Variants in ZFAND3 observed in about 807,000 individuals in gnomAD.
ZFAND3 encodes the protein zinc finger AN1-type containing 3, also known as AN1-type zinc finger protein 3.
In ZFAND3, 10 loss-of-function variants were observed where a neutral mutation model predicts 29.6. The observed-to-expected ratio is 0.34, with a 90% CI of 0.21 to 0.57. ZFAND3 has a LOEUF of 0.57. Ranked by LOEUF, ZFAND3 falls within the 20% of genes least tolerant of loss-of-function variation. The pLI is 0.86. For synonymous variants in ZFAND3, 128 were observed against 112.6 expected (o/e 1.14, Z -0.87); for missense variants, 230 against 304.5 (o/e 0.76, Z 1.82).
chr6:38,082,604 T>C (rs1764685602), intron 4 of ZFAND3, 147 bp downstream of exon 4: 1 of 675,994 alleles, frequency 1.5e-6, no homozygotes. Flanking sequence ...CACGGCGGAG[T>C]GTCAGCAGAG....
intron 3 of ZFAND3, among the ~76,000 whole-genome samples, chr6:38,077,545 G>A (rs757266703): frequency 2.0e-5 from 3 of 152,182 alleles, no homozygotes; most frequent in Non-Finnish European, 4.4e-5. Flanking sequence ...TAGAATATTT[G>A]ATTATTGTGC....
chr6:38,122,752 T>G (rs149779249), intron 5 of ZFAND3, among the ~76,000 whole-genome samples: 191 of 152,304 alleles, frequency 1.3e-3, no homozygotes, highest in South Asian at 4.1e-3. Context: ...CAGCCTACCA[T>G]AAGCATTTAT....
chr6:37,971,486 GTTC>G (rs143837972), intron 2 of ZFAND3, among the ~76,000 whole-genome samples: 3 of 152,248 alleles, frequency 2.0e-5, no homozygotes, highest in Non-Finnish European at 4.4e-5. Context: ...AGGTTGCCAA[GTTC>G]TTCTACAATG....
At chr6:38,045,962 A>G (rs4714123) in intron 2 of ZFAND3, among the ~76,000 whole-genome samples, 9 of 152,082 alleles carry the variant, frequency 5.9e-5, no homozygotes, top group African/African-American at 1.9e-4. Flanking sequence ...CGAGAAGAGT[A>G]GCGAACAGTG....
chr6:37,857,730 T>G (rs1764410567), intron 1 of ZFAND3, among the ~76,000 whole-genome samples: 1 of 152,170 alleles, frequency 6.6e-6, no homozygotes, highest in South Asian at 2.1e-4. Flanking sequence ...CCTAATATGG[T>G]CTAATCTCAA....
At chr6:37,897,878 A>G (rs1765247911) in intron 1 of ZFAND3, among the ~76,000 whole-genome samples, 1 of 152,218 alleles carries the variant, frequency 6.6e-6, no homozygotes, top group South Asian at 2.1e-4. Flanking sequence ...CACAAAATAA[A>G]TAAATTGGGA....
chr6:38,127,329 T>C (rs567299531), intron 5 of ZFAND3, among the ~76,000 whole-genome samples: 1 of 152,358 alleles, frequency 6.6e-6, no homozygotes, highest in Admixed American at 6.5e-5. Flanking sequence ...CATGGTAGGC[T>C]ACCACGTAGC....
chr6:37,950,505 G>T lies in ZFAND3; in HGVS notation c.112+20506G>T, dbSNP rs536225891. Among the ~76,000 whole-genome samples, 6 of 151,820 alleles carry T rather than the reference G, an allele frequency of 4.0e-5. 1 individual carries two copies. The highest frequency in any genetic ancestry group is 1.9e-4 in the East Asian group (1 of 5,146). On this transcript the variant is annotated intron_variant, in intron 2 of 5. Coordinates refer to ENST00000287218, the MANE Select transcript of ZFAND3 (RefSeq NM_021943.3). Reference sequence around the variant, plus strand: ...AGATTCTCCTGCCTCAGCCTCCCACGTAGCTGGGATTACAGGCGCCTGCCA... The same window carrying T: ...AGATTCTCCTGCCTCAGCCTCCCACTTAGCTGGGATTACAGGCGCCTGCCA...
At chr6:38,110,373 G>C (rs1480556582) in intron 4 of ZFAND3, among the ~76,000 whole-genome samples, 1 of 152,102 alleles carries the variant, frequency 6.6e-6, no homozygotes, top group Non-Finnish European at 1.5e-5. Context: ...AATGTCAGGA[G>C]AAGATGAATC....
At position 37,862,511 on chromosome 6, in the gene ZFAND3, A is replaced by G. The variant is rs185939551; in HGVS notation, c.71+42495A>G. ...GACCTGGGTGACATAGTGAGACCCTATCTTTCCAAAAAAAAAAAAAAGAAA... is the reference window on the plus strand; with the variant it reads ...GACCTGGGTGACATAGTGAGACCCTGTCTTTCCAAAAAAAAAAAAAAGAAA... On this transcript the variant is annotated intron_variant, in intron 1 of 5. Transcript: ENST00000287218. Among the ~76,000 whole-genome samples, 527 of 150,086 alleles carry G rather than the reference A, an allele frequency of 3.5e-3. 2 individuals carry two copies. Among genetic ancestry groups the G allele is most frequent in the Non-Finnish European group, 5.7e-3 (383 of 67,432 alleles).
chr6:38,137,939 G>C (rs1276846594), intron 5 of ZFAND3, among the ~76,000 whole-genome samples: 1 of 152,190 alleles, frequency 6.6e-6, no homozygotes, highest in East Asian at 1.9e-4. Flanking sequence ...TCTTTGCAAA[G>C]AATCTGATTA....
At chr6:37,822,522 A>G (rs1235755676) in intron 1 of ZFAND3, among the ~76,000 whole-genome samples, 5 of 152,190 alleles carry the variant, frequency 3.3e-5, no homozygotes, top group African/African-American at 4.8e-5. Flanking sequence ...TAAACTTAGA[A>G]TATATTTAAC....
intron 1 of ZFAND3, among the ~76,000 whole-genome samples, chr6:37,886,237 CAAAAAAAAAAAAAAAAAAAAAAAAAAAAA>C (rs55661554): frequency 4.2e-5 from 4 of 95,278 alleles, no homozygotes; most frequent in African/African-American, 1.4e-4. Flanking sequence ...GACTCTGTCT[CAAAAAAAAAAAAAAAAAAAAAAAAAAAAA>C]AAAAAAAAAA....
intron 4 of ZFAND3, among the ~76,000 whole-genome samples, chr6:38,110,508 A>G (rs1186723550): frequency 2.0e-5 from 3 of 152,112 alleles, no homozygotes; most frequent in African/African-American, 7.2e-5. Flanking sequence ...TTCGTGGACA[A>G]AGGTTTTACC....
intron 4 of ZFAND3, among the ~76,000 whole-genome samples, chr6:38,114,640 G>A (rs1380002428): frequency 6.6e-6 from 1 of 152,162 alleles, no homozygotes; most frequent in African/African-American, 2.4e-5. Context: ...GGGACTATGA[G>A]CAAACTACCA....
intron 2 of ZFAND3, among the ~76,000 whole-genome samples, chr6:38,055,081 A>G (rs775555271): frequency 6.6e-6 from 1 of 152,220 alleles, no homozygotes; most frequent in Non-Finnish European, 1.5e-5. Flanking sequence ...CTGTTCTGTT[A>G]AAGGAGACCT....
At chr6:37,883,861 C>G (rs1764941226) in intron 1 of ZFAND3, among the ~76,000 whole-genome samples, 1 of 145,254 alleles carries the variant, frequency 6.9e-6, no homozygotes, top group African/African-American at 2.8e-5. Flanking sequence ...TTTTCATTAT[C>G]TATTTCCCTT....
chr6:37,960,653 T>C (rs1322241020), intron 2 of ZFAND3, among the ~76,000 whole-genome samples: 1 of 152,218 alleles, frequency 6.6e-6, no homozygotes, highest in Non-Finnish European at 1.5e-5. Context: ...TAGAAAATGT[T>C]GCTGTATTTA....
chr6:37,966,412 A>G (rs1044843053), intron 2 of ZFAND3, among the ~76,000 whole-genome samples: 26 of 152,194 alleles, frequency 1.7e-4, no homozygotes, highest in African/African-American at 6.0e-4. Context: ...GGTGCCTTAT[A>G]TCTCTCACTT....
Sources: allele counts gnomAD v4.1 joint callset (sites outside exome capture counted in the v4.1 genomes callset), GRCh38; gene constraint gnomAD v4.1.1; transcripts MANE v1.5; gene names NCBI Gene and HGNC (gene_info 2026-07-23, HGNC 2026-07-21).